Variants in SEM1 observed in about 807,000 individuals in gnomAD.
SEM1 encodes the protein SEM1 26S proteasome subunit.
In SEM1, 3 loss-of-function variants were observed where a neutral mutation model predicts 12.7. The observed-to-expected ratio is 0.24, with a 90% CI of 0.11 to 0.61. The LOEUF (loss-of-function observed/expected upper bound fraction) is 0.61. Among genes scored for constraint, SEM1 ranks in the 20% least tolerant of loss-of-function variants. The pLI is 0.88. For missense variants in SEM1, 59 were observed against 81.3 expected (o/e 0.73, Z 1.06); for synonymous variants, 30 against 27.8 (o/e 1.08, Z -0.25).
At position 96,567,639 on chromosome 7, in the gene SEM1, A is replaced by T. The variant is rs1346401747; in HGVS notation, c.171-60941T>A. 3.3e-5 allele frequency among the ~76,000 whole-genome samples: 5 copies of T among 151,534 alleles called. No homozygotes were observed. The South Asian group carries it at 6.2e-4, about 19-fold the overall frequency. On this transcript the variant is annotated intron_variant and NMD_transcript_variant, in intron 2 of 3. Coordinates refer to the SEM1 transcript ENST00000466986. ...CAGCACAATGCAGGTTTTGGCTGTC[A>T]ATTAGATGGATATTAAAAATATCTA...
rs1051074234 is a variant in SEM1 at position 96,520,132 on chromosome 7, A to G, written c.171-13434T>C. 9.2e-5 allele frequency among the ~76,000 whole-genome samples: 14 copies of G among 152,154 alleles called. No homozygotes were observed. The South Asian group carries it at 1.5e-3, about 16-fold the overall frequency. On this transcript the variant is annotated intron_variant and NMD_transcript_variant, in intron 2 of 3. Coordinates refer to the SEM1 transcript ENST00000466986. ...AGATGACCAAAGCTGAAGTAGGATC[A>G]TACATACATACATACAGATGAAGAT...
intron 3 of SEM1, among the ~76,000 whole-genome samples, chr7:96,503,973 A>G (rs1803660918): frequency 6.6e-6 from 1 of 152,126 alleles, no homozygotes; most frequent in Non-Finnish European, 1.5e-5. Flanking sequence ...TGGGTTGGCC[A>G]TGGAACCCAT....
intron 2 of SEM1, among the ~76,000 whole-genome samples, chr7:96,661,220 T>A (rs10215915): frequency 1.3e-5 from 2 of 152,026 alleles, no homozygotes; most frequent in Non-Finnish European, 2.9e-5. Context: ...ATCACTATCC[T>A]TTGCTACTTC....
At chr7:96,653,645 G>T (rs930279055) in intron 2 of SEM1, 1 of 152,144 alleles carries the variant, frequency 6.6e-6, no homozygotes, top group South Asian at 2.1e-4. Flanking sequence ...ATAATGCCAC[G>T]TACTATGCTA....
intron 3 of SEM1, among the ~76,000 whole-genome samples, chr7:96,506,306 T>A (rs1329755737): frequency 1.3e-5 from 2 of 152,180 alleles, no homozygotes; most frequent in African/African-American, 4.8e-5. Context: ...GTTCATTGAT[T>A]GAGCCAAGTC....
chr7:96,556,342 C>T (rs1446102103), intron 2 of SEM1, among the ~76,000 whole-genome samples: 1 of 151,952 alleles, frequency 6.6e-6, no homozygotes, highest in Admixed American at 6.6e-5. Flanking sequence ...TTGTTCCTTT[C>T]CATGTTTAGC....
intron 2 of SEM1, among the ~76,000 whole-genome samples, chr7:96,590,136 C>T (rs927222978): frequency 2.5e-4 from 38 of 152,170 alleles, no homozygotes; most frequent in African/African-American, 8.4e-4. Context: ...ATTCATTTCC[C>T]GGTAAAATAT....
chr7:96,486,665 G>T (rs1802783433), intron 1 of SEM1, among the ~76,000 whole-genome samples: 1 of 152,134 alleles, frequency 6.6e-6, no homozygotes, highest in Non-Finnish European at 1.5e-5. Flanking sequence ...TACCCAGCCT[G>T]GGTGTCACTT....
chr7:96,597,676 GAT>G (rs55710405), intron 2 of SEM1, among the ~76,000 whole-genome samples: 113,820 of 147,050 alleles, frequency 0.77, 44,363 homozygotes, highest in East Asian at 0.9. Flanking sequence ...TAGTATATAT[GAT>G]ATATATATAT....
intron 2 of SEM1, among the ~76,000 whole-genome samples, chr7:96,539,117 A>G (rs191110212): frequency 1.3e-5 from 2 of 151,808 alleles, no homozygotes; most frequent in African/African-American, 4.8e-5. Flanking sequence ...ACCTCTAGCC[A>G]TCAGCCCTCA....
chr7:96,577,427 A>C (rs1435427868), intron 2 of SEM1, among the ~76,000 whole-genome samples: 1 of 152,008 alleles, frequency 6.6e-6, no homozygotes, highest in Non-Finnish European at 1.5e-5. Context: ...GATTAATTAT[A>C]AAATTATTTA....
intron 2 of SEM1, among the ~76,000 whole-genome samples, chr7:96,544,055 G>C (rs1171113914): frequency 1.3e-5 from 2 of 151,980 alleles, no homozygotes; most frequent in African/African-American, 2.4e-5. Context: ...GGCCAATGGA[G>C]AACCAATCCC....
At chr7:96,509,906 C>A (rs1389894391) in intron 2 of SEM1, among the ~76,000 whole-genome samples, 1 of 150,554 alleles carries the variant, frequency 6.6e-6, no homozygotes, top group Non-Finnish European at 1.5e-5. Flanking sequence ...AGGGGAGGAA[C>A]AAGAAATTCA....
chr7:96,694,910 GCTGT>G lies in SEM1; in HGVS notation c.77-23_77-20del. 1 of 1,535,510 alleles carries G rather than the reference GCTGT, an allele frequency of 6.5e-7. No individual in the cohort carries two copies. The highest frequency in any genetic ancestry group is 9.0e-7 in the Non-Finnish European group (1 of 1,110,794). On this transcript the variant is annotated intron_variant, in intron 1 of 2. Transcript: ENST00000248566. ...GCCCAGTCTAAAAATAGAAACAGAT[GCTGT>G]CTAAATATTTCTCATACATTATTTC...
At chr7:96,592,056 G>A (rs1806846249) in intron 2 of SEM1, among the ~76,000 whole-genome samples, 1 of 152,010 alleles carries the variant, frequency 6.6e-6, no homozygotes, top group Admixed American at 6.5e-5. Flanking sequence ...ATGCCAGTAG[G>A]ATTAAGCGAC....
At chr7:96,559,587 A>G (rs1461041298) in intron 2 of SEM1, among the ~76,000 whole-genome samples, 3 of 152,244 alleles carry the variant, frequency 2.0e-5, no homozygotes, top group Non-Finnish European at 4.4e-5. Context: ...ATGAATTATT[A>G]AAACATGTTT....
downstream of SEM1, among the ~76,000 whole-genome samples, chr7:96,686,921 T>C (rs2115782126): frequency 6.6e-6 from 1 of 151,994 alleles, no homozygotes; most frequent in Admixed American, 6.6e-5. Context: ...GAATCTACAA[T>C]GAACTCAAAC....
At chr7:96,495,916 T>A (rs1046327842) in intron 1 of SEM1, among the ~76,000 whole-genome samples, 1 of 151,936 alleles carries the variant, frequency 6.6e-6, no homozygotes, top group African/African-American at 2.4e-5. Flanking sequence ...CCCCCTCCCT[T>A]CACCTACCTA....
intron 1 of SEM1, chr7:96,708,080 TCCA>T (rs1790525305): frequency 1.3e-5 from 2 of 152,182 alleles, no homozygotes; most frequent in African/African-American, 4.8e-5. Flanking sequence ...TGCCTAACAT[TCCA>T]CCCTGTATAT....
Sources: allele counts gnomAD v4.1 joint callset (sites outside exome capture counted in the v4.1 genomes callset), GRCh38; gene constraint gnomAD v4.1.1; transcripts MANE v1.5; gene names NCBI Gene and HGNC (gene_info 2026-07-23, HGNC 2026-07-21).